The following OPN5 variants were observed in gnomAD, a reference collection of about 807,000 sequenced individuals.
OPN5 encodes opsin 5.
A neutral mutation model predicts 41.7 loss-of-function variants in OPN5; 18 were observed. The observed-to-expected ratio is 0.43, with a 90% CI of 0.30 to 0.64. The LOEUF (loss-of-function observed/expected upper bound fraction) is 0.64, where lower values mean the gene tolerates loss of function less well. Among genes scored for constraint, OPN5 ranks in the 30% least tolerant of loss-of-function variants. The pLI is 0.13. For synonymous variants in OPN5, 178 were observed against 164.3 expected, an observed-to-expected ratio of 1.08 and a Z score of -0.64; for missense variants, 318 against 434.5, an observed-to-expected ratio of 0.73 and a Z score of 2.38.
At chr6:47,817,354 G>A (rs1389278254) in intron 6 of OPN5, among the ~76,000 whole-genome samples, 1 of 152,086 alleles carries the variant, frequency 6.6e-6, no homozygotes, top group Non-Finnish European at 1.5e-5. Flanking sequence ...TGAGGTTCAT[G>A]CCAGTTACAG....
chr6:47,787,412 T>C (rs1388664958), intron 2 of OPN5: 1 of 152,292 alleles, frequency 6.6e-6, no homozygotes, highest in East Asian at 1.9e-4. Context: ...CCATTTTAAG[T>C]AAATCATTCT....
At chr6:47,825,705 G>GA (rs1165241971), downstream of OPN5, 1 of 152,128 alleles carries the variant, frequency 6.6e-6, no homozygotes, top group Non-Finnish European at 1.5e-5. Context: ...GAATATGACA[G>GA]AAAAAAATTA....
exon 3 of OPN5, chr6:47,791,961 A>G (rs149218296): frequency 6.2e-7 from 1 of 1,612,916 alleles, no homozygotes; most frequent in Non-Finnish European, 8.5e-7. Flanking sequence ...AAAATCTGCT[A>G]TTTATCTTAT....
exon 7 of OPN5, chr6:47,824,027 CT>C: frequency 1.3e-6 from 2 of 1,527,618 alleles, no homozygotes; most frequent in Non-Finnish European, 1.8e-6. Context: ...ATCTGAAGTG[CT>C]TACACGGCGT....
intron 5 of OPN5, among the ~76,000 whole-genome samples, chr6:47,808,884 C>A (rs1774081163): frequency 6.6e-6 from 1 of 152,118 alleles, no homozygotes; most frequent in Non-Finnish European, 1.5e-5. Flanking sequence ...TTTTATTTCA[C>A]AAGAGTCTTG....
intron 2 of OPN5, 48 bp from the exon 3 acceptor site, chr6:47,791,754 A>T (rs1773380804): frequency 6.3e-7 from 1 of 1,579,804 alleles, no homozygotes; most frequent in African/African-American, 1.3e-5. Flanking sequence ...GTAGGTGGGG[A>T]AATAGTAACC....
intron 4 of OPN5, among the ~76,000 whole-genome samples, chr6:47,800,553 T>C (rs1479567969): frequency 6.6e-6 from 1 of 152,228 alleles, no homozygotes. Context: ...GCATATCTTG[T>C]AACCTCCAGA....
rs369268282 is a variant in OPN5 at position 47,799,739 on chromosome 6, C to T, written c.756+4176C>T. The stretch of plus-strand genomic sequence containing the variant: ...ACCCTGACCCCGGGCCTTTGGTGTT[C>T]AGCTCAGTGGGGTAGGTTCAGGACA... On this transcript the variant is annotated intron_variant, in intron 4 of 6. Transcript: ENST00000371211. Among the ~76,000 whole-genome samples the T allele has an allele frequency of 5.9e-4, 90 of 152,248 alleles. 2 individuals are homozygous for T. The South Asian group carries it at 0.019, about 32-fold the overall frequency.
chr6:47,796,337 T>C (rs913518913), intron 4 of OPN5, among the ~76,000 whole-genome samples: 7 of 152,220 alleles, frequency 4.6e-5, no homozygotes, highest in African/African-American at 1.7e-4. Context: ...TAGAAGGTGT[T>C]AGAGCAACCA....
exon 4 of OPN5, chr6:47,795,305 G>A (rs143358523): frequency 6.2e-7 from 1 of 1,614,012 alleles, no homozygotes; most frequent in Non-Finnish European, 8.5e-7. Flanking sequence ...GGACCACCAT[G>A]CCCTTGGTAG....
At chr6:47,788,343 A>G (rs2113950756) in intron 2 of OPN5, among the ~76,000 whole-genome samples, 1 of 152,340 alleles carries the variant, frequency 6.6e-6, no homozygotes, top group Non-Finnish European at 1.5e-5. Flanking sequence ...CATTCCAGCT[A>G]CATCCTTCAT....
Position 47,811,239 on chromosome 6 carries a change from A to G in OPN5, c.999-435A>G, listed in dbSNP as rs550259796. ...GGATGGAGTCATTTGCATTCCTGGT[A>G]CTGAGTGAAGATAACAAGGGAGAAC... On this transcript the variant is annotated intron_variant, in intron 5 of 6. Transcript: ENST00000371211. Among the ~76,000 whole-genome samples the G allele has an allele frequency of 3.9e-5, 6 of 152,268 alleles. No individual in the cohort carries two copies. The South Asian group carries it at 6.2e-4, about 16-fold the overall frequency.
At chr6:47,790,896 G>C (rs962323155) in intron 2 of OPN5, among the ~76,000 whole-genome samples, 1 of 152,102 alleles carries the variant, frequency 6.6e-6, no homozygotes, top group Non-Finnish European at 1.5e-5. Flanking sequence ...ATCTTGGGGT[G>C]TTAGAAACCA....
At chr6:47,786,241 T>G (rs1403066067) in intron 1 of OPN5, among the ~76,000 whole-genome samples, 1 of 152,210 alleles carries the variant, frequency 6.6e-6, no homozygotes, top group Non-Finnish European at 1.5e-5. Flanking sequence ...AACTGACCAT[T>G]GGGATTCCCA....
intron 6 of OPN5, among the ~76,000 whole-genome samples, chr6:47,812,544 A>G (rs752307716): frequency 1.3e-5 from 2 of 152,124 alleles, no homozygotes; most frequent in African/African-American, 2.4e-5. Context: ...AAAGAGATGT[A>G]GATATGAATG....
At chr6:47,815,114 A>G (rs1260869920) in intron 6 of OPN5, among the ~76,000 whole-genome samples, 2 of 152,170 alleles carry the variant, frequency 1.3e-5, no homozygotes, top group East Asian at 1.9e-4. Flanking sequence ...AAGAATTATC[A>G]TAAAGTCTAA....
At chr6:47,804,665 C>T (rs1253963112) in intron 4 of OPN5, among the ~76,000 whole-genome samples, 3 of 152,138 alleles carry the variant, frequency 2.0e-5, no homozygotes, top group Non-Finnish European at 4.4e-5. Context: ...ACATAAATAA[C>T]ATTGTGTAGT....
rs150604324 is a variant in OPN5 at position 47,800,144 on chromosome 6, G to C, written c.756+4581G>C. 2.5e-4 allele frequency among the ~76,000 whole-genome samples: 38 copies of C among 152,270 alleles called. No homozygotes were observed. In the East Asian group the frequency reaches 7.3e-3, roughly 29 times the overall value. Reference sequence around the variant, plus strand: ...GGGGAATGGTAGAGTCACTGCCTGAGGGGTCCTTCCTGCCTGCTGCACAAA... The same window carrying C: ...GGGGAATGGTAGAGTCACTGCCTGACGGGTCCTTCCTGCCTGCTGCACAAA... On this transcript the variant is annotated intron_variant, in intron 4 of 6. Transcript: ENST00000371211.
At chr6:47,819,041 AG>A (rs1762514687) in intron 6 of OPN5, among the ~76,000 whole-genome samples, 1 of 152,100 alleles carries the variant, frequency 6.6e-6, no homozygotes, top group African/African-American at 2.4e-5. Context: ...GTGTGGGCAG[AG>A]GAGAGCAACA....
Sources: allele counts gnomAD v4.1 joint callset (sites outside exome capture counted in the v4.1 genomes callset), GRCh38; gene constraint gnomAD v4.1.1; transcripts MANE v1.5; gene names NCBI Gene and HGNC (gene_info 2026-07-23, HGNC 2026-07-21).